The following CSMD1 variants were observed in gnomAD, a reference collection of about 807,000 sequenced individuals.
CSMD1 encodes CUB and Sushi multiple domains 1.
A neutral mutation model predicts 417.5 loss-of-function variants in CSMD1; 213 were observed. That is an observed-to-expected ratio of 0.51 (90% CI 0.46 to 0.57). CSMD1 has a LOEUF of 0.57. CSMD1 is among the 20% of genes least tolerant of loss of function. The pLI is 0.00. For synonymous variants in CSMD1, 2,862 were observed against 1,736.8 expected (o/e 1.65, Z -16.11); for missense variants, 6,923 against 4,529.7 (o/e 1.53, Z -15.17).
intron 12 of CSMD1, among the ~76,000 whole-genome samples, chr8:3,442,961 G>A (rs1380884271): frequency 6.6e-6 from 1 of 151,974 alleles, no homozygotes; most frequent in African/African-American, 2.4e-5. Context: ...TTTAAACATG[G>A]TTTTATTAAT....
At chr8:4,078,467 T>G (rs553213217) in intron 3 of CSMD1, among the ~76,000 whole-genome samples, 142 of 151,882 alleles carry the variant, frequency 9.3e-4, no homozygotes, top group African/African-American at 3.2e-3. Flanking sequence ...GGTGCCACCA[T>G]GTTAGCCAGG....
chr8:4,958,401 T>C (rs955028562), intron 1 of CSMD1, among the ~76,000 whole-genome samples: 1 of 152,184 alleles, frequency 6.6e-6, no homozygotes, highest in Admixed American at 6.6e-5. Context: ...GCAATTGACA[T>C]TTCTTCAAAA....
chr8:3,414,024 A>G (rs1812973011), intron 12 of CSMD1, among the ~76,000 whole-genome samples: 2 of 151,650 alleles, frequency 1.3e-5, no homozygotes, highest in South Asian at 4.2e-4. Flanking sequence ...CTGGAATCCC[A>G]ACTACTGGGG....
chr8:4,118,417 A>G (rs1180572739), intron 3 of CSMD1, among the ~76,000 whole-genome samples: 1 of 152,128 alleles, frequency 6.6e-6, no homozygotes, highest in East Asian at 1.9e-4. Flanking sequence ...AAAAAAAATC[A>G]AAAAGTATAC....
intron 6 of CSMD1, among the ~76,000 whole-genome samples, chr8:3,711,521 G>C (rs1372188878): frequency 6.6e-6 from 1 of 152,182 alleles, no homozygotes; most frequent in Non-Finnish European, 1.5e-5. Flanking sequence ...AGAGGGACTT[G>C]CTCTGGTGCA....
intron 7 of CSMD1, among the ~76,000 whole-genome samples, chr8:3,645,031 C>G (rs1205850091): frequency 6.7e-6 from 1 of 148,728 alleles, no homozygotes; most frequent in Non-Finnish European, 1.5e-5. Context: ...TCCTTTCTGT[C>G]CTCTACTCCT....
intron 7 of CSMD1, among the ~76,000 whole-genome samples, chr8:3,638,046 T>A (rs148381176): frequency 6.6e-6 from 1 of 152,140 alleles, no homozygotes; most frequent in Non-Finnish European, 1.5e-5. Flanking sequence ...GTCTCAGGTA[T>A]GTCCTTATAG....
chr8:4,185,281 C>A (rs1306828209), intron 3 of CSMD1, among the ~76,000 whole-genome samples: 1 of 151,932 alleles, frequency 6.6e-6, no homozygotes, highest in Admixed American at 6.6e-5. Flanking sequence ...TGATCTTGGG[C>A]AAATTGTTTA....
At chr8:3,596,828 G>A (rs1005661111) in intron 8 of CSMD1, among the ~76,000 whole-genome samples, 1 of 152,052 alleles carries the variant, frequency 6.6e-6, no homozygotes, top group African/African-American at 2.4e-5. Context: ...AATCACATGA[G>A]ATCCAAAAGC....
At chr8:3,946,847 T>C (rs1811263614) in intron 5 of CSMD1, among the ~76,000 whole-genome samples, 1 of 152,176 alleles carries the variant, frequency 6.6e-6, no homozygotes, top group Admixed American at 6.5e-5. Flanking sequence ...ATTTTAAAAA[T>C]TTTGTTTTGA....
At chr8:3,562,920 G>C (rs1371052135) in intron 10 of CSMD1, among the ~76,000 whole-genome samples, 3 of 149,728 alleles carry the variant, frequency 2.0e-5, no homozygotes. Context: ...GAACTTAAAA[G>C]TTAAAAAAAA....
chr8:3,963,464 G>A (rs954609635), intron 5 of CSMD1, among the ~76,000 whole-genome samples: 3 of 152,014 alleles, frequency 2.0e-5, no homozygotes, highest in Non-Finnish European at 4.4e-5. Context: ...GTGAATGAAT[G>A]CCTCATAACT....
intron 23 of CSMD1, among the ~76,000 whole-genome samples, chr8:3,310,868 CAAAAGAAATCTGGAGTTTTAAA>C (rs1805284582): frequency 1.3e-5 from 2 of 151,362 alleles, no homozygotes; most frequent in Non-Finnish European, 3.0e-5. Flanking sequence ...TTTCAAGGGG[CAAAAGAAATCTGGAGTTTTAAA>C]AAAAGTTTTT....
Position 3,750,610 on chromosome 8 carries a change from T to A in CSMD1, c.931+3320A>T, listed in dbSNP as rs936740702. Among the ~76,000 whole-genome samples the A allele has an allele frequency of 3.9e-5, 6 of 152,158 alleles. No homozygotes were observed. The South Asian group carries it at 1.0e-3, about 26-fold the overall frequency. ...CAATACAATTTGGGCTTCATGCTTT[T>A]TAATCTCGGTATAGACAAGAGGGAA... On this transcript the variant is annotated intron_variant, in intron 6 of 69. Transcript: ENST00000635120.
chr8:4,126,740 A>T (rs780609633), intron 3 of CSMD1, among the ~76,000 whole-genome samples: 1 of 152,194 alleles, frequency 6.6e-6, no homozygotes, highest in Non-Finnish European at 1.5e-5. Flanking sequence ...TGAAAAGCCA[A>T]CAAAAAAATA....
At chr8:3,128,669 T>C in intron 41 of CSMD1, 2 of 329,542 alleles carry the variant, frequency 6.1e-6, no homozygotes, top group Non-Finnish European at 1.2e-5. Context: ...GTGTCACCTC[T>C]GTCAGATATG....
intron 3 of CSMD1, among the ~76,000 whole-genome samples, chr8:4,270,934 C>G (rs548232863): frequency 6.6e-6 from 1 of 152,092 alleles, no homozygotes; most frequent in Non-Finnish European, 1.5e-5. Context: ...ATGAGACACC[C>G]CTAGAGAGAG....
At chr8:2,957,628 G>C (rs576338866) in intron 63 of CSMD1, 68 bp downstream of exon 63, 2 of 1,022,168 alleles carry the variant, frequency 2.0e-6, no homozygotes, top group South Asian at 2.8e-5. Context: ...TCCCTTAGTG[G>C]TAAACACGTC....
At chr8:4,626,516 G>C (rs150060291) in intron 2 of CSMD1, among the ~76,000 whole-genome samples, 1 of 152,092 alleles carries the variant, frequency 6.6e-6, no homozygotes, top group Admixed American at 6.6e-5. Context: ...CACGTTGAGA[G>C]AAAGTTATCT....
Sources: allele counts gnomAD v4.1 joint callset (sites outside exome capture counted in the v4.1 genomes callset), GRCh38; gene constraint gnomAD v4.1.1; transcripts MANE v1.5; gene names NCBI Gene and HGNC (gene_info 2026-07-23, HGNC 2026-07-21).